TRAPPC9: variants seen among roughly 807,000 people sequenced by gnomAD.
The protein encoded by TRAPPC9 is trafficking protein particle complex subunit 9, also known as IKK2 binding protein.
In TRAPPC9, 83 loss-of-function variants were observed where a neutral mutation model predicts 124.0. The ratio of observed to expected loss-of-function variants is 0.67; its 90% CI spans 0.56 to 0.80. TRAPPC9 has a LOEUF of 0.80. Among genes scored for constraint, TRAPPC9 ranks in the 30% least tolerant of loss-of-function variants. The pLI, the probability that TRAPPC9 is intolerant of heterozygous loss-of-function variation, is 0.00. For synonymous variants in TRAPPC9, 638 were observed against 617.5 expected, an observed-to-expected ratio of 1.03 and a Z score of -0.49; for missense variants, 1,302 against 1,508.3, an observed-to-expected ratio of 0.86 and a Z score of 2.27.
chr8:140,396,780 C>G (rs1471707827), intron 7 of TRAPPC9, among the ~76,000 whole-genome samples: 5 of 152,086 alleles, frequency 3.3e-5, no homozygotes, highest in Non-Finnish European at 7.4e-5. Context: ...TGTCCCTGGC[C>G]CCCACACCCT....
chr8:139,920,163 C>A (rs2126298), intron 19 of TRAPPC9, among the ~76,000 whole-genome samples: 1 of 151,982 alleles, frequency 6.6e-6, no homozygotes, highest in Non-Finnish European at 1.5e-5. Flanking sequence ...CTGGCCAACA[C>A]GGTAAAACCC....
chr8:140,346,902 G>A (rs775962935), intron 9 of TRAPPC9, among the ~76,000 whole-genome samples: 4 of 152,190 alleles, frequency 2.6e-5, no homozygotes, highest in African/African-American at 7.2e-5. Flanking sequence ...GTGTCCACTC[G>A]GCTGAGTTGG....
At chr8:139,791,187 CCT>C (rs1292032447) in intron 21 of TRAPPC9, among the ~76,000 whole-genome samples, 7 of 152,182 alleles carry the variant, frequency 4.6e-5, no homozygotes, top group Non-Finnish European at 1.0e-4. Context: ...AGGGACGGTC[CCT>C]GTCATGCTGC....
chr8:139,758,864 C>A (rs552154248), intron 21 of TRAPPC9, among the ~76,000 whole-genome samples: 1 of 152,356 alleles, frequency 6.6e-6, no homozygotes, highest in East Asian at 1.9e-4. Context: ...AGGCGGGTTT[C>A]TGACGCCAAA....
intron 21 of TRAPPC9, among the ~76,000 whole-genome samples, chr8:139,846,278 A>G (rs796143035): frequency 2.5e-4 from 38 of 152,308 alleles, no homozygotes; most frequent in African/African-American, 8.9e-4. Context: ...TCCCAGATTG[A>G]ACTGAGCTCT....
intron 5 of TRAPPC9, among the ~76,000 whole-genome samples, chr8:140,411,299 G>C (rs866616773): frequency 6.6e-6 from 1 of 152,168 alleles, no homozygotes; most frequent in Non-Finnish European, 1.5e-5. Context: ...AAAAACGTCC[G>C]ATTCCAGAGC....
intron 21 of TRAPPC9, among the ~76,000 whole-genome samples, chr8:139,749,827 G>T (rs767793697): frequency 2.0e-4 from 31 of 152,212 alleles, no homozygotes; most frequent in Non-Finnish European, 3.2e-4. Context: ...GAGGGGCAGG[G>T]CTGCCCAGTG....
chr8:139,994,544 G>C (rs1197863793), intron 18 of TRAPPC9, among the ~76,000 whole-genome samples: 1 of 152,198 alleles, frequency 6.6e-6, no homozygotes, highest in African/African-American at 2.4e-5. Flanking sequence ...GCTGTCAGGT[G>C]ACACCTGCAT....
chr8:139,735,975 CA>C (rs1324283700), intron 21 of TRAPPC9, among the ~76,000 whole-genome samples: 1 of 152,242 alleles, frequency 6.6e-6, no homozygotes, highest in Non-Finnish European at 1.5e-5. Context: ...CCTGTCGGAG[CA>C]GGAGGCCAGG....
intron 17 of TRAPPC9, among the ~76,000 whole-genome samples, chr8:140,204,471 C>T (rs955243775): frequency 4.5e-5 from 4 of 89,354 alleles, no homozygotes; most frequent in Admixed American, 1.8e-4. Flanking sequence ...CGGGGGCTGT[C>T]GTTGGGTGGG....
At chr8:140,312,211 C>T (rs938837807) in intron 9 of TRAPPC9, among the ~76,000 whole-genome samples, 1 of 152,204 alleles carries the variant, frequency 6.6e-6, no homozygotes, top group Non-Finnish European at 1.5e-5. Flanking sequence ...GGGGTGTGAA[C>T]AAGGAAGTCC....
At chr8:140,055,502 T>C (rs1034736720) in intron 17 of TRAPPC9, among the ~76,000 whole-genome samples, 1 of 152,116 alleles carries the variant, frequency 6.6e-6, no homozygotes, top group African/African-American at 2.4e-5. Flanking sequence ...TTCAACACAG[T>C]AGTGGAAGTC....
At chr8:140,277,116 T>C (rs1019108441) in intron 14 of TRAPPC9, among the ~76,000 whole-genome samples, 15 of 152,194 alleles carry the variant, frequency 9.9e-5, no homozygotes, top group African/African-American at 3.6e-4. Context: ...TCACACACTA[T>C]TGGTCCAAAG....
chr8:140,200,297 G>A (rs2062757622), intron 17 of TRAPPC9, among the ~76,000 whole-genome samples: 1 of 152,184 alleles, frequency 6.6e-6, no homozygotes, highest in Admixed American at 6.5e-5. Flanking sequence ...ACCGGGACAA[G>A]ACCTTCGTAA....
intron 21 of TRAPPC9, among the ~76,000 whole-genome samples, chr8:139,752,822 C>T (rs1317808591): frequency 6.6e-6 from 1 of 151,640 alleles, no homozygotes; most frequent in East Asian, 2.0e-4. Context: ...CACCATCCAT[C>T]CACCATCTAC....
Position 139,732,036 on chromosome 8 carries a change from G to A in TRAPPC9, c.3222C>T (p.Asn1074=), listed in dbSNP as rs1462664102. The A allele has an allele frequency of 6.2e-7, 1 of 1,604,680 alleles. No homozygotes were observed. Among genetic ancestry groups the A allele is most frequent in the Non-Finnish European group, 8.5e-7 (1 of 1,175,540 alleles). The part of the protein sequence containing the change: ...PFQDHQNGVH[N]YDLHDTVSFV... ...AGGAGACGGTGTCGTGCAGGTCGTAGTTGTGCACGCCGTTCTGGTGGTCCT... is the reference window on the plus strand; with the variant it reads ...AGGAGACGGTGTCGTGCAGGTCGTAATTGTGCACGCCGTTCTGGTGGTCCT... The change falls in exon 22 of 23, where the codon AAC becomes AAT. Residue 1074 remains asparagine (N), a synonymous_variant. Transcript: ENST00000438773.
chr8:140,150,848 GT>G (rs1554633428), intron 17 of TRAPPC9, among the ~76,000 whole-genome samples: 1 of 136,710 alleles, frequency 7.3e-6, no homozygotes. Context: ...CTTGCAGCTT[GT>G]TTTTGTTTTT....
intron 11 of TRAPPC9, among the ~76,000 whole-genome samples, chr8:140,293,052 A>G (rs2131776143): frequency 6.7e-6 from 1 of 148,262 alleles, no homozygotes; most frequent in East Asian, 1.9e-4. Context: ...AAAAGTGGGC[A>G]AAGGAATCAA....
chr8:140,296,945 G>A (rs183013187), intron 11 of TRAPPC9, among the ~76,000 whole-genome samples: 13 of 152,356 alleles, frequency 8.5e-5, no homozygotes, highest in African/African-American at 3.1e-4. Flanking sequence ...GCACTCGTAG[G>A]ACAGCAAGTC....
Sources: gnomAD v4.1 joint callset for allele counts (sites outside exome capture counted in the v4.1 genomes callset) on GRCh38, gnomAD v4.1.1 for gene constraint, MANE v1.5 for transcripts, NCBI Gene and HGNC (gene_info 2026-07-23, HGNC 2026-07-21) for gene names.